Variants in USPL1 observed in about 807,000 individuals in gnomAD.
USPL1 encodes the protein SUMO-specific isopeptidase USPL1.
Under a neutral mutation model 51.5 loss-of-function variants are expected in USPL1, and 27 were observed. The observed-to-expected ratio is 0.52, with a 90% CI of 0.39 to 0.72. USPL1 has a LOEUF of 0.72. USPL1 is among the 30% of genes least tolerant of loss of function. The pLI, the probability that USPL1 is intolerant of heterozygous loss-of-function variation, is 0.00. For synonymous variants in USPL1, 451 were observed against 459.6 expected (o/e 0.98, Z 0.24); for missense variants, 1,226 against 1,268.0 (o/e 0.97, Z 0.50).
At chr13:30,652,126 G>A (rs1318979896) in intron 7 of USPL1, among the ~76,000 whole-genome samples, 3 of 152,190 alleles carry the variant, frequency 2.0e-5, no homozygotes, top group Non-Finnish European at 4.4e-5. Context: ...TTAATTGGCA[G>A]CATGTTTTCA....
intron 4 of USPL1, among the ~76,000 whole-genome samples, chr13:30,635,491 G>C (rs1424450946): frequency 6.6e-6 from 1 of 151,988 alleles, no homozygotes; most frequent in East Asian, 1.9e-4. Context: ...TATTCTCTTG[G>C]TTACTTTGTC....
chr13:30,653,260 T>C lies in USPL1; in HGVS notation c.1351T>C (p.Tyr451His). The change falls in exon 8 of 9, where the codon TAT (tyrosine) becomes CAT (histidine). Residue 451 changes from tyrosine to histidine, a missense_variant. Physicochemically the swap from Tyr to His is moderately conservative, Grantham distance 83. Coordinates refer to ENST00000255304, the MANE Select transcript of USPL1 (RefSeq NM_005800.5). ...CLYQITSVIQ[Y>H]RANNHFITWI... ...TTATCAGATAACTTCTGTAATTCAG[T>C]ATCGAGCAAATAATCATTTTATAAC... 1 of 1,610,212 alleles carries C rather than the reference T, an allele frequency of 6.2e-7. No homozygotes were observed. The highest frequency in any genetic ancestry group is 1.3e-5 in the African/African-American group (1 of 74,974).
intron 4 of USPL1, among the ~76,000 whole-genome samples, chr13:30,634,709 T>C (rs1950852695): frequency 6.6e-6 from 1 of 152,188 alleles, no homozygotes; most frequent in African/African-American, 2.4e-5. Context: ...TTCCCTTCTG[T>C]ATAACAAAGG....
intron 5 of USPL1, among the ~76,000 whole-genome samples, chr13:30,639,243 TA>T (rs1555248433): frequency 1.3e-5 from 2 of 150,520 alleles, no homozygotes; most frequent in Non-Finnish European, 3.0e-5. Flanking sequence ...TATATATATA[TA>T]TGTGTGTATG....
At chr13:30,636,949 G>C (rs1446207864) in intron 4 of USPL1, among the ~76,000 whole-genome samples, 2 of 152,090 alleles carry the variant, frequency 1.3e-5, no homozygotes, top group Non-Finnish European at 2.9e-5. Context: ...TTGTTGTTTT[G>C]TTTTTGTTTT....
chr13:30,652,623 T>A (rs1171431142), intron 7 of USPL1, among the ~76,000 whole-genome samples: 1 of 152,246 alleles, frequency 6.6e-6, no homozygotes, highest in Non-Finnish European at 1.5e-5. Flanking sequence ...AAATTGAACT[T>A]TTCCTAAGTA....
intron 7 of USPL1, 111 bp downstream of exon 7, chr13:30,647,168 G>A (rs1349457601): frequency 3.3e-5 from 40 of 1,225,690 alleles, no homozygotes; most frequent in Non-Finnish European, 4.4e-5. Flanking sequence ...TGAAATTTGA[G>A]TTAACATATA....
Position 30,658,063 on chromosome 13 carries a change from C to T in USPL1, c.1986C>T (p.Asn662=). The T allele has an allele frequency of 6.2e-7, 1 of 1,613,202 alleles. No individual in the cohort carries two copies. Among genetic ancestry groups the T allele is most frequent in the Non-Finnish European group, 8.5e-7 (1 of 1,179,940 alleles). Residue 662 remains asparagine (N), a synonymous_variant, in exon 9 of 9, where the codon AAC becomes AAT. Transcript: ENST00000255304. ...TTCCATCCCAAGTTGTAAATACAAA[C>T]ATGCAGTCAGTACAGCTGAATACAG... ...ISFPSQVVNT[N]MQSVQLNTED...
chr13:30,645,357 A>ATTAT (rs375856777), intron 6 of USPL1, among the ~76,000 whole-genome samples: 220 of 152,368 alleles, frequency 1.4e-3, no homozygotes, highest in African/African-American at 5.1e-3. Context: ...AACACATAAT[A>ATTAT]GAGGTCCAGT....
intron 5 of USPL1, among the ~76,000 whole-genome samples, chr13:30,641,831 A>C (rs1011599189): frequency 1.3e-5 from 2 of 152,216 alleles, no homozygotes; most frequent in Non-Finnish European, 2.9e-5. Context: ...CAGAATAGAA[A>C]TGGCCAATTC....
chr13:30,645,844 G>C (rs2137686490), intron 6 of USPL1, among the ~76,000 whole-genome samples: 1 of 152,334 alleles, frequency 6.6e-6, no homozygotes, highest in Non-Finnish European at 1.5e-5. Context: ...ACCTGCCTCT[G>C]AGAGTTGTTT....
chr13:30,627,958 A>G (rs1373432025), intron 3 of USPL1, among the ~76,000 whole-genome samples: 1 of 151,174 alleles, frequency 6.6e-6, no homozygotes, highest in East Asian at 1.9e-4. Context: ...GCTCGCTGCA[A>G]CTTCTGCCTG....
In USPL1 at chr13:30,631,224, T is replaced by C. The variant is rs1172599273; in HGVS notation, c.618T>C (p.Cys206=). 6.2e-7 allele frequency: 1 copy of C among 1,614,188 alleles called. No individual in the cohort carries two copies. Among genetic ancestry groups the C allele is most frequent in the Admixed American group, 1.7e-5 (1 of 60,022 alleles). ...GACCTTCCCCTCAAAATGAAGGATG[T>C]ACATCTAAACTGGAAATGCCACTGG... ...TGRPSPQNEG[C]TSKLEMPLES... is the part of the protein sequence containing the mutation. Residue 206 remains cysteine, a synonymous_variant, in exon 4 of 9, where the codon TGT becomes TGC. Transcript: ENST00000255304.
In USPL1 at chr13:30,627,582, A is replaced by G. The variant is rs76285812; in HGVS notation, c.229-3253A>G. Among the ~76,000 whole-genome samples, 1,189 of 151,940 alleles carry G rather than the reference A, an allele frequency of 7.8e-3. 20 individuals carry two copies. Among genetic ancestry groups the G allele is most frequent in the African/African-American group, 0.027 (1,138 of 41,464 alleles). ...CAAGGGTTTATTATGTTTTGAATAA[A>G]GTAGAGGTGTAAGTAGGATGCATAT... On this transcript the variant is annotated intron_variant, in intron 3 of 8. Transcript: ENST00000255304.
At chr13:30,652,038 G>A (rs1951098762) in intron 7 of USPL1, among the ~76,000 whole-genome samples, 1 of 152,124 alleles carries the variant, frequency 6.6e-6, no homozygotes, top group African/African-American at 2.4e-5. Context: ...TTTTACTGTG[G>A]TTCATTGATT....
At chr13:30,627,887 T>A (rs1357094130) in intron 3 of USPL1, among the ~76,000 whole-genome samples, 2 of 151,628 alleles carry the variant, frequency 1.3e-5, no homozygotes, top group Non-Finnish European at 2.9e-5. Context: ...TTTCTTTTCT[T>A]TTTTTTTCTT....
chr13:30,657,626 A>T lies in USPL1; in HGVS notation c.1549A>T (p.Thr517Ser). The change falls in exon 9 of 9, where the codon ACT becomes TCT. Residue 517 changes from threonine (T) to serine (S), a missense_variant. Coordinates refer to ENST00000255304, the MANE Select transcript of USPL1 (RefSeq NM_005800.5). ...KEAACLPLKK[T>S]NDQHALSNEK... ...AGCTGCCTGCCTTCCACTTAAAAAG[A>T]CTAATGACCAACACGCTCTCAGTAA... 6.2e-7 allele frequency: 1 copy of T among 1,614,226 alleles called. No homozygotes were observed. Among genetic ancestry groups the T allele is most frequent in the Non-Finnish European group, 8.5e-7 (1 of 1,180,038 alleles).
At position 30,657,554 on chromosome 13, in the gene USPL1, C is replaced by T. The variant is rs1384714442; in HGVS notation, c.1477C>T (p.His493Tyr). 2 of 1,613,946 alleles carry T rather than the reference C, an allele frequency of 1.2e-6. No homozygotes were observed. The highest frequency in any genetic ancestry group is 1.3e-5 in the African/African-American group (1 of 74,898). Reference protein sequence around the residue: ...KKFEVPASEIHIVIWERKISQ... With the variant: ...KKFEVPASEIYIVIWERKISQ... ...ATTTGAAGTTCCTGCTTCAGAGATA[C>T]ATATTGTTATTTGGGAAAGAAAAAT... Residue 493 changes from histidine (H) to tyrosine (Y), a missense_variant, in exon 9 of 9, where the codon CAT (histidine) becomes TAT (tyrosine). Coordinates refer to ENST00000255304, the MANE Select transcript of USPL1 (RefSeq NM_005800.5).
chr13:30,620,410 T>C (rs1196171138), intron 1 of USPL1, among the ~76,000 whole-genome samples: 1 of 151,844 alleles, frequency 6.6e-6, no homozygotes, highest in African/African-American at 2.4e-5. Context: ...TAATTTTTAC[T>C]CTGTTAAATG....
Sources: gnomAD v4.1 joint callset for allele counts (sites outside exome capture counted in the v4.1 genomes callset) on GRCh38, gnomAD v4.1.1 for gene constraint, MANE v1.5 for transcripts, NCBI Gene and HGNC (gene_info 2026-07-23, HGNC 2026-07-21) for gene names.